Variants in DLG2 observed in about 807,000 individuals in gnomAD.
DLG2 encodes the protein discs large MAGUK scaffold protein 2.
DLG2 carries 45 observed loss-of-function variants against 132.5 expected under a neutral mutation model. The observed-to-expected ratio is 0.34, with a 90% CI of 0.27 to 0.44. DLG2 has a LOEUF of 0.44. Ranked by LOEUF, DLG2 falls within the 20% of genes least tolerant of loss-of-function variation. DLG2 has a pLI of 1.00. For synonymous variants in DLG2, 424 were observed against 419.6 expected, an observed-to-expected ratio of 1.01 and a Z score of -0.13; for missense variants, 1,045 against 1,196.9, an observed-to-expected ratio of 0.87 and a Z score of 1.87.
chr11:84,066,601 A>G (rs2096676496), intron 10 of DLG2, among the ~76,000 whole-genome samples: 1 of 152,122 alleles, frequency 6.6e-6, no homozygotes, highest in Admixed American at 6.5e-5. Context: ...CTGTGCTAAA[A>G]ATACAAAAAA....
At chr11:85,564,629 T>G (rs2077429691) in intron 3 of DLG2, among the ~76,000 whole-genome samples, 1 of 152,094 alleles carries the variant, frequency 6.6e-6, no homozygotes. Flanking sequence ...ATGTATCCTA[T>G]GTCAATACCA....
intron 7 of DLG2, among the ~76,000 whole-genome samples, chr11:84,375,688 G>A (rs1364405950): frequency 6.6e-6 from 1 of 151,576 alleles, no homozygotes. Context: ...TTTAATTACA[G>A]TGTTAGCTGG....
chr11:84,640,954 AAAAAAAAAAAC>A (rs1242321202), intron 6 of DLG2, among the ~76,000 whole-genome samples: 5 of 136,142 alleles, frequency 3.7e-5, no homozygotes, highest in South Asian at 2.5e-4. Flanking sequence ...CAAACAAACA[AAAAAAAAAAAC>A]AAAAAAAAAA....
chr11:84,972,556 C>T (rs1269054469), intron 6 of DLG2, among the ~76,000 whole-genome samples: 5 of 152,126 alleles, frequency 3.3e-5, no homozygotes, highest in South Asian at 2.1e-4. Flanking sequence ...ACTTTTAAAG[C>T]GAAATGGTGC....
chr11:84,613,420 C>CTCT (rs368236273), intron 6 of DLG2, among the ~76,000 whole-genome samples: 1,984 of 152,160 alleles, frequency 0.013, 53 homozygotes, highest in African/African-American at 0.045. Context: ...GAATTGCTGA[C>CTCT]TCTTCTATGC....
At chr11:83,843,645 A>G (rs1304818746) in intron 16 of DLG2, among the ~76,000 whole-genome samples, 1 of 152,150 alleles carries the variant, frequency 6.6e-6, no homozygotes, top group Non-Finnish European at 1.5e-5. Flanking sequence ...GAAAAATGAT[A>G]CTGAGTTCTA....
At chr11:84,755,965 G>T (rs561706097) in intron 6 of DLG2, among the ~76,000 whole-genome samples, 11 of 152,208 alleles carry the variant, frequency 7.2e-5, no homozygotes, top group African/African-American at 2.4e-4. Flanking sequence ...GATTCTAATA[G>T]AATGACTGGC....
At chr11:83,828,889 T>C (rs1481900215) in intron 17 of DLG2, among the ~76,000 whole-genome samples, 2 of 152,190 alleles carry the variant, frequency 1.3e-5, no homozygotes, top group South Asian at 2.1e-4. Context: ...TGTATATGTG[T>C]TTATATACAT....
At chr11:84,401,418 C>T (rs992469295) in intron 7 of DLG2, among the ~76,000 whole-genome samples, 1 of 152,206 alleles carries the variant, frequency 6.6e-6, no homozygotes, top group Non-Finnish European at 1.5e-5. Context: ...TCAATGCGGA[C>T]AAGGGCTGTT....
At chr11:84,062,556 C>T (rs185794258) in intron 10 of DLG2, among the ~76,000 whole-genome samples, 1 of 152,286 alleles carries the variant, frequency 6.6e-6, no homozygotes, top group African/African-American at 2.4e-5. Flanking sequence ...CCAGTCATTT[C>T]ACTTATTTGT....
chr11:84,370,570 G>A (rs909101490), intron 7 of DLG2, among the ~76,000 whole-genome samples: 1 of 152,114 alleles, frequency 6.6e-6, no homozygotes, highest in African/African-American at 2.4e-5. Context: ...CACAGTGTGT[G>A]GTGTACAGTA....
chr11:83,461,636 C>T (rs894430285), intron 27 of DLG2: 16 of 177,682 alleles, frequency 9.0e-5, no homozygotes, highest in Non-Finnish European at 1.4e-4. Flanking sequence ...TGGACACTGA[C>T]CATTTTGAGC....
chr11:85,425,464 T>C (rs1471315761), intron 3 of DLG2, among the ~76,000 whole-genome samples: 12 of 152,146 alleles, frequency 7.9e-5, no homozygotes, highest in East Asian at 1.9e-4. Flanking sequence ...TTATACCCAA[T>C]GTTTTTGAGG....
chr11:85,346,025 C>T (rs1478437725), intron 3 of DLG2, among the ~76,000 whole-genome samples: 1 of 151,832 alleles, frequency 6.6e-6, no homozygotes, highest in Non-Finnish European at 1.5e-5. Flanking sequence ...AAAGTAAAAG[C>T]AAGTATATTA....
chr11:85,197,862 G>T (rs1036390298), intron 4 of DLG2, among the ~76,000 whole-genome samples: 1 of 152,032 alleles, frequency 6.6e-6, no homozygotes, highest in Non-Finnish European at 1.5e-5. Context: ...TTTATTATTC[G>T]CATGGTATTG....
In DLG2 at chr11:85,339,301, A is replaced by G. The variant is rs144241924; in HGVS notation, c.41-53936T>C. Among the ~76,000 whole-genome samples, 1,292 of 152,232 alleles carry G rather than the reference A, an allele frequency of 8.5e-3. 11 individuals carry two copies. Among genetic ancestry groups the G allele is most frequent in the Non-Finnish European group, 0.013 (910 of 68,006 alleles). On this transcript the variant is annotated intron_variant, in intron 3 of 27. Coordinates refer to ENST00000376104, the MANE Select transcript of DLG2 (RefSeq NM_001142699.3). ...TGTTTGCAATTTTTTATAATTAGAA[A>G]CCATGCTATAATGAATAATTTTCTG...
intron 7 of DLG2, among the ~76,000 whole-genome samples, chr11:84,296,879 A>G (rs1332849711): frequency 6.6e-6 from 1 of 152,182 alleles, no homozygotes; most frequent in Admixed American, 6.5e-5. Context: ...GGAATCTGGG[A>G]TATACATCAT....
chr11:83,642,726 G>T (rs1343998069), intron 18 of DLG2, among the ~76,000 whole-genome samples: 1 of 152,144 alleles, frequency 6.6e-6, no homozygotes, highest in Non-Finnish European at 1.5e-5. Context: ...TGGCTGACAG[G>T]AGTAACTGAT....
chr11:83,592,701 C>T (rs1407298875), intron 19 of DLG2, among the ~76,000 whole-genome samples: 2 of 148,554 alleles, frequency 1.3e-5, no homozygotes, highest in Non-Finnish European at 3.0e-5. Context: ...TCAGAGTGAA[C>T]AGGCAGCCTA....
Sources: gnomAD v4.1 joint callset for allele counts (sites outside exome capture counted in the v4.1 genomes callset) on GRCh38, gnomAD v4.1.1 for gene constraint, MANE v1.5 for transcripts, NCBI Gene and HGNC (gene_info 2026-07-23, HGNC 2026-07-21) for gene names.